Variants in IGF2R observed in about 807,000 individuals in gnomAD.
The protein encoded by IGF2R is insulin like growth factor 2 receptor.
IGF2R carries 91 observed loss-of-function variants against 270.6 expected under a neutral mutation model. That is an observed-to-expected ratio of 0.34 (90% CI 0.28 to 0.40). IGF2R has a LOEUF of 0.40. IGF2R is among the 10% of genes least tolerant of loss of function. The probability of loss-of-function intolerance (pLI) is 1.00; values close to 1 mark genes in which losing one functional copy is unlikely to be tolerated. For synonymous variants in IGF2R, 1,316 were observed against 1,258.9 expected (o/e 1.05, Z -0.96); for missense variants, 2,805 against 3,188.3 (o/e 0.88, Z 2.90).
At chr6:160,037,613 C>G (rs1777856426) in intron 10 of IGF2R, among the ~76,000 whole-genome samples, 1 of 152,028 alleles carries the variant, frequency 6.6e-6, no homozygotes, top group Non-Finnish European at 1.5e-5. Context: ...CAGTTTAAAT[C>G]TAGTTTGTTG....
intron 10 of IGF2R, among the ~76,000 whole-genome samples, chr6:160,036,457 T>G (rs1294990733): frequency 6.6e-6 from 1 of 152,186 alleles, no homozygotes; most frequent in Admixed American, 6.5e-5. Flanking sequence ...CTGGCTCTCC[T>G]GGACTCCGGC....
intron 1 of IGF2R, among the ~76,000 whole-genome samples, chr6:159,981,836 C>A (rs1315358175): frequency 6.6e-6 from 1 of 152,152 alleles, no homozygotes; most frequent in East Asian, 1.9e-4. Flanking sequence ...ACTTAGATGT[C>A]GTGTTTGACT....
intron 17 of IGF2R, 62 bp downstream of exon 17, chr6:160,047,969 CTGGTGAGCGTG>C (rs758354181): frequency 3.4e-5 from 37 of 1,087,444 alleles, no homozygotes; most frequent in Non-Finnish European, 5.3e-5. Context: ...GCAAGTGTTG[CTGGTGAGCGTG>C]TGACTGAGCT....
In IGF2R at chr6:160,059,084, C is replaced by G. The variant is rs765615193; in HGVS notation, c.3077C>G (p.Pro1026Arg). Reference protein sequence around the residue: ...EGFITLTYKGPLSAKGTADAF... With the variant: ...EGFITLTYKGRLSAKGTADAF... ...TTCATCACTCTGACCTACAAAGGGC[C>G]TCTCTCTGCCAAAGGTGAGCTCAGA... The change falls in exon 22 of 48, where the codon CCT (proline) becomes CGT (arginine). Residue 1026 changes from proline to arginine, a missense_variant. Physicochemically the swap from Pro to Arg is moderately radical, Grantham distance 103. Transcript: ENST00000356956. 6.2e-7 allele frequency: 1 copy of G among 1,613,916 alleles called. No individual in the cohort carries two copies. Among genetic ancestry groups the G allele is most frequent in the Non-Finnish European group, 8.5e-7 (1 of 1,179,936 alleles).
chr6:159,987,876 G>A (rs1163770057), intron 1 of IGF2R, among the ~76,000 whole-genome samples: 2 of 152,162 alleles, frequency 1.3e-5, no homozygotes, highest in South Asian at 2.1e-4. Flanking sequence ...GGGTTTGAAT[G>A]GCATTGAGGT....
intron 10 of IGF2R, among the ~76,000 whole-genome samples, chr6:160,035,861 G>T (rs992321025): frequency 6.6e-6 from 1 of 152,212 alleles, no homozygotes. Flanking sequence ...ACCGAGGTCA[G>T]CTGGCTGGGG....
chr6:160,062,363 G>A (rs186611391), intron 25 of IGF2R, among the ~76,000 whole-genome samples, 169 bp from the exon 26 acceptor site: 1 of 151,822 alleles, frequency 6.6e-6, no homozygotes, highest in South Asian at 2.1e-4. Context: ...TAGTAGAGAC[G>A]GGGTTTCACC....
At chr6:159,995,071 T>C (rs1045559339) in intron 2 of IGF2R, among the ~76,000 whole-genome samples, 9 of 152,186 alleles carry the variant, frequency 5.9e-5, no homozygotes, top group Admixed American at 4.6e-4. Context: ...CATTGCTGTC[T>C]ATCTCCTCTT....
intron 4 of IGF2R, among the ~76,000 whole-genome samples, chr6:160,015,914 G>A (rs1777280071): frequency 6.6e-6 from 1 of 152,182 alleles, no homozygotes; most frequent in Non-Finnish European, 1.5e-5. Context: ...TCCTGCTTTT[G>A]CTGTGAGATA....
chr6:160,106,342 C>T lies in IGF2R; in HGVS notation c.*1258C>T, dbSNP rs1226677936. 1.3e-5 allele frequency: 2 copies of T among 152,656 alleles called. No individual in the cohort carries two copies. The highest frequency in any genetic ancestry group is 2.4e-5 in the African/African-American group (1 of 41,442). 9.5% of individuals were successfully genotyped at this position (152,656 alleles called of 1,614,324 possible). On this transcript the variant is annotated 3_prime_UTR_variant, in exon 48 of 48. Transcript: ENST00000356956. ...GCCATGTTTAGTGAATGACTTTTCT[C>T]GCATTGTAGAATTGTATATAGACTC...
chr6:159,991,431 T>G, intron 2 of IGF2R, 108 bp downstream of exon 2: 1 of 892,508 alleles, frequency 1.1e-6, no homozygotes, highest in Non-Finnish European at 1.7e-6. Context: ...TTTTGAATGT[T>G]TAGAAATCAT....
Position 160,011,883 on chromosome 6 carries a change from T to C in IGF2R, c.513+1098T>C, listed in dbSNP as rs567552702. Among the ~76,000 whole-genome samples, 8 of 152,324 alleles carry C rather than the reference T, an allele frequency of 5.3e-5. No individual in the cohort carries two copies. The East Asian group carries it at 1.5e-3, about 29-fold the overall frequency. ...TATCTCACTTTTCTCTCCTACTTTC[T>C]GTTTTTAAGAACTTTCAAAGGTTGT... On this transcript the variant is annotated intron_variant, in intron 4 of 47. Coordinates refer to ENST00000356956, the MANE Select transcript of IGF2R (RefSeq NM_000876.4).
At chr6:160,035,629 A>G (rs1777802588) in intron 10 of IGF2R, among the ~76,000 whole-genome samples, 1 of 152,190 alleles carries the variant, frequency 6.6e-6, no homozygotes, top group Non-Finnish European at 1.5e-5. Flanking sequence ...TGTTCTCTAC[A>G]TGGCCCCTTT....
intron 4 of IGF2R, 22 bp from the exon 5 acceptor site, chr6:160,024,550 C>G (rs1777512169): frequency 1.2e-6 from 2 of 1,613,020 alleles, no homozygotes; most frequent in African/African-American, 1.3e-5. Context: ...TGAAGACTCA[C>G]TTTTTTCTTC....
intron 6 of IGF2R, among the ~76,000 whole-genome samples, chr6:160,028,732 A>C (rs1483519861): frequency 6.6e-6 from 1 of 152,162 alleles, no homozygotes; most frequent in Non-Finnish European, 1.5e-5. Flanking sequence ...GGTTAAGACA[A>C]AACAAAACTT....
At position 160,010,762 on chromosome 6, in the gene IGF2R, G is replaced by T. The variant is rs770631088; in HGVS notation, c.490G>T (p.Asp164Tyr). ...GAGGACCACTGCAGCCTGCAAGAAA[G>T]ACATATTTAAAGCAAATAAGGAGGT... Reference protein sequence around the residue: ...EWRTTAACKKDIFKANKEVPC... With the variant: ...EWRTTAACKKYIFKANKEVPC... Residue 164 changes from aspartate to tyrosine, a missense_variant, in exon 4 of 48, where the codon GAC (aspartate) becomes TAC (tyrosine). Transcript: ENST00000356956. The T allele has an allele frequency of 7.5e-6, 12 of 1,609,236 alleles. No homozygotes were observed. Among genetic ancestry groups the T allele is most frequent in the South Asian group, 3.3e-5 (3 of 90,950 alleles).
chr6:160,001,167 C>T (rs62440102), intron 2 of IGF2R, among the ~76,000 whole-genome samples: 29,332 of 151,988 alleles, frequency 0.19, 3,490 homozygotes, highest in East Asian at 0.57. Flanking sequence ...AGTGAAGCTT[C>T]GTCTGTATTT....
rs1382289622 is a variant in IGF2R at position 160,102,047 on chromosome 6, C to T, written c.6843-472C>T. Among the ~76,000 whole-genome samples the T allele has an allele frequency of 6.6e-6, 1 of 152,166 alleles. No individual in the cohort carries two copies. Among genetic ancestry groups the T allele is most frequent in the East Asian group, 1.9e-4 (1 of 5,182 alleles). On this transcript the variant is annotated intron_variant, in intron 45 of 47. Transcript: ENST00000356956. The surrounding 1 kb of genome is among the most constrained non-coding windows in gnomAD (Gnocchi z 4.5). ...CCCTGGGCCCCGTCCTGGCCTGTTTCTAAGGCCCCCTGGGCCCCTTTCGTG... is the reference window on the plus strand; with the variant it reads ...CCCTGGGCCCCGTCCTGGCCTGTTTTTAAGGCCCCCTGGGCCCCTTTCGTG...
Position 160,000,728 on chromosome 6 carries a change from G to GTTTTTTTTTTTT in IGF2R, c.290-8268_290-8257dup, listed in dbSNP as rs59215791. ...GGAAGATAATAGTTGGTGTGAGGTT[G>GTTTTTTTTTTTT]TTTTTTTTTTTTTTTTTTTTTTTTT... is the stretch of plus-strand genomic sequence containing the variant. On this transcript the variant is annotated intron_variant, in intron 2 of 47. Coordinates refer to ENST00000356956, the MANE Select transcript of IGF2R (RefSeq NM_000876.4). Among the ~76,000 whole-genome samples, 26 of 69,962 alleles carry GTTTTTTTTTTTT rather than the reference G, an allele frequency of 3.7e-4. 1 individual carries two copies. Among genetic ancestry groups the GTTTTTTTTTTTT allele is most frequent in the African/African-American group, 1.6e-3 (26 of 16,728 alleles). 45.9% of individuals were successfully genotyped at this position (69,962 alleles called of 152,430 possible). A position where few individuals can be genotyped will look rare whatever the true frequency, so the allele number is the denominator to read the frequency against.
Sources: allele counts gnomAD v4.1 joint callset (sites outside exome capture counted in the v4.1 genomes callset), GRCh38; gene constraint gnomAD v4.1.1; non-coding constraint Gnocchi (gnomAD v3.1); transcripts MANE v1.5; gene names NCBI Gene and HGNC (gene_info 2026-07-23, HGNC 2026-07-21).